The following STX12 variants were observed in gnomAD, a reference collection of about 807,000 sequenced individuals.
The protein encoded by STX12 is syntaxin-12.
Under a neutral mutation model 42.2 loss-of-function variants are expected in STX12, and 17 were observed. The observed-to-expected ratio is 0.40, with a 90% CI of 0.28 to 0.60. The LOEUF is 0.60. STX12 is among the 20% of genes least tolerant of loss of function. STX12 has a pLI of 0.39. For missense variants in STX12, 297 were observed against 330.9 expected (o/e 0.90, Z 0.79); for synonymous variants, 108 against 116.7 (o/e 0.93, Z 0.48).
intron 3 of STX12, among the ~76,000 whole-genome samples, chr1:27,797,637 T>C (rs531859604): frequency 1.8e-4 from 27 of 152,254 alleles, no homozygotes; most frequent in South Asian, 4.1e-4. Flanking sequence ...CTTTTTCCAA[T>C]CTAACCCCTT....
In STX12 at chr1:27,801,673, C is replaced by A; in HGVS notation, c.289-5C>A. 1 of 1,489,170 alleles carries A rather than the reference C, an allele frequency of 6.7e-7. No individual in the cohort carries two copies. The highest frequency in any genetic ancestry group is 8.9e-7 in the Non-Finnish European group (1 of 1,121,728). 92.2% of individuals were successfully genotyped at this position (1,489,170 alleles called of 1,614,324 possible). A position where few individuals can be genotyped will look rare whatever the true frequency, so the allele number is the denominator to read the frequency against. On this transcript the variant is annotated splice_polypyrimidine_tract_variant and splice_region_variant and intron_variant, in intron 3 of 8. Transcript: ENST00000373943. ...AAATCTCAAGTTCTTGCTTGATTTC[C>A]TTAGCGCCAGCAGAGACTTCAGAAG... is the stretch of plus-strand genomic sequence containing the variant.
chr1:27,818,102 G>C, intron 7 of STX12, 179 bp downstream of exon 7: 1 of 564,414 alleles, frequency 1.8e-6, no homozygotes, highest in Non-Finnish European at 3.1e-6. Context: ...AAGGAGTTAG[G>C]CTAGGCGTGG....
intron 1 of STX12, among the ~76,000 whole-genome samples, chr1:27,776,443 G>A (rs1251956994): frequency 6.6e-6 from 1 of 152,114 alleles, no homozygotes; most frequent in Non-Finnish European, 1.5e-5. Context: ...GCTGTGCTCA[G>A]TGGCTCACAC....
chr1:27,790,815 C>T (rs989801493), intron 2 of STX12, among the ~76,000 whole-genome samples: 5 of 151,986 alleles, frequency 3.3e-5, no homozygotes, highest in African/African-American at 7.2e-5. Context: ...GTGGCAGGCA[C>T]CTGTAATCCC....
chr1:27,821,745 G>A (rs755022857), intron 8 of STX12, among the ~76,000 whole-genome samples: 8 of 152,062 alleles, frequency 5.3e-5, no homozygotes, highest in Non-Finnish European at 1.0e-4. Context: ...GGCTGGGTGC[G>A]GTGGCCCACG....
At chr1:27,792,335 T>TAC (rs1491165918) in intron 2 of STX12, among the ~76,000 whole-genome samples, 1 of 141,392 alleles carries the variant, frequency 7.1e-6, no homozygotes, top group African/African-American at 2.7e-5. Flanking sequence ...TATATGTATC[T>TAC]ATATATATGT....
chr1:27,793,742 C>T (rs1311801028), intron 3 of STX12, 110 bp downstream of exon 3: 1 of 743,298 alleles, frequency 1.3e-6, no homozygotes, highest in Non-Finnish European at 2.2e-6. Context: ...GATAGATAGA[C>T]CTCCTCTGCA....
intron 1 of STX12, among the ~76,000 whole-genome samples, chr1:27,788,134 G>A (rs1270690827): frequency 6.6e-6 from 1 of 152,146 alleles, no homozygotes; most frequent in Non-Finnish European, 1.5e-5. Context: ...GATGGTAAGT[G>A]TGTTACTTCT....
At chr1:27,775,399 G>A (rs898094723) in intron 1 of STX12, among the ~76,000 whole-genome samples, 1 of 152,130 alleles carries the variant, frequency 6.6e-6, no homozygotes, top group Admixed American at 6.6e-5. Flanking sequence ...AGCCCTACAA[G>A]TAGCTGGGAC....
chr1:27,798,644 CAA>C lies in STX12; in HGVS notation c.289-3015_289-3014del, dbSNP rs71010374. On this transcript the variant is annotated intron_variant, in intron 3 of 8. Transcript: ENST00000373943. ...GGGGTGACAGAGCGAGACTCCCTCT[CAA>C]AAAAAAAAAAAAAAAAAATCGCGCC... Among the ~76,000 whole-genome samples the C allele has an allele frequency of 9.5e-3, 457 of 48,348 alleles. 5 individuals carry two copies. The highest frequency in any genetic ancestry group is 0.028 in the African/African-American group (430 of 15,594). 31.7% of individuals were successfully genotyped at this position (48,348 alleles called of 152,430 possible).
At chr1:27,807,605 G>A (rs1033609190) in intron 4 of STX12, among the ~76,000 whole-genome samples, 2 of 152,152 alleles carry the variant, frequency 1.3e-5, no homozygotes, top group East Asian at 3.9e-4. Context: ...TTATCTGGCC[G>A]GTGGTATAAG....
chr1:27,810,231 C>G lies in STX12; in HGVS notation c.427-15C>G, dbSNP rs1254197443. 1.2e-6 allele frequency: 2 copies of G among 1,613,166 alleles called. No individual in the cohort carries two copies. The highest frequency in any genetic ancestry group is 8.5e-7 in the Non-Finnish European group (1 of 1,179,332). ...TTTCTGGATGACAGCAGCAATAATA[C>G]CATCTACTTTCTAGGCAGAAGAGAG... On this transcript the variant is annotated splice_polypyrimidine_tract_variant and intron_variant, in intron 4 of 8. Coordinates refer to ENST00000373943, the MANE Select transcript of STX12 (RefSeq NM_177424.3).
chr1:27,801,980 G>C, intron 4 of STX12, 165 bp downstream of exon 4: 1 of 603,146 alleles, frequency 1.7e-6, no homozygotes, highest in Non-Finnish European at 2.6e-6. Context: ...TGTGATCAAA[G>C]CCTAGAAAGG....
intron 3 of STX12, among the ~76,000 whole-genome samples, chr1:27,795,503 G>A (rs1345806062): frequency 6.6e-6 from 1 of 151,864 alleles, no homozygotes; most frequent in Non-Finnish European, 1.5e-5. Flanking sequence ...ATGGGGTTTT[G>A]CCATGTTGGC....
chr1:27,801,844 G>A (rs756062407), intron 4 of STX12, 29 bp downstream of exon 4: 1 of 1,560,214 alleles, frequency 6.4e-7, no homozygotes, highest in Admixed American at 2.2e-5. Flanking sequence ...GAAGACCTTT[G>A]CAATATCAGA....
At chr1:27,800,521 G>A (rs932890763) in intron 3 of STX12, among the ~76,000 whole-genome samples, 1 of 143,252 alleles carries the variant, frequency 7.0e-6, no homozygotes, top group African/African-American at 2.8e-5. Context: ...GTGTGTGTGT[G>A]TGTGTGTGTG....
At chr1:27,807,452 G>C (rs1484773833) in intron 4 of STX12, among the ~76,000 whole-genome samples, 1 of 152,048 alleles carries the variant, frequency 6.6e-6, no homozygotes, top group Non-Finnish European at 1.5e-5. Context: ...CAAATGAAAA[G>C]GTACTCAGCT....
chr1:27,789,822 T>A (rs2088726571), intron 2 of STX12, among the ~76,000 whole-genome samples, 191 bp downstream of exon 2: 1 of 152,224 alleles, frequency 6.6e-6, no homozygotes, highest in African/African-American at 2.4e-5. Flanking sequence ...CCGTTGCCTT[T>A]CAAAGTCTTT....
chr1:27,774,320 G>C (rs1205213910), intron 1 of STX12, among the ~76,000 whole-genome samples: 1 of 152,148 alleles, frequency 6.6e-6, no homozygotes, highest in Non-Finnish European at 1.5e-5. Context: ...GGTGTTTCTT[G>C]TGCTTGAAAA....
Sources: allele counts gnomAD v4.1 joint callset (sites outside exome capture counted in the v4.1 genomes callset), GRCh38; gene constraint gnomAD v4.1.1; transcripts MANE v1.5; gene names NCBI Gene and HGNC (gene_info 2026-07-23, HGNC 2026-07-21).